The following PDE4D variants were observed in gnomAD, a reference collection of about 807,000 sequenced individuals.
PDE4D encodes phosphodiesterase 4D, also known as 3',5'-cyclic-AMP phosphodiesterase 4D.
PDE4D carries 24 observed loss-of-function variants against 87.4 expected under a neutral mutation model. That is an observed-to-expected ratio of 0.27 (90% CI 0.20 to 0.39). The LOEUF (loss-of-function observed/expected upper bound fraction) is 0.39. Ranked by LOEUF, PDE4D falls within the 10% of genes least tolerant of loss-of-function variation. The pLI, the probability that PDE4D is intolerant of heterozygous loss-of-function variation, is 1.00. For missense variants in PDE4D, 714 were observed against 1,041.0 expected, an observed-to-expected ratio of 0.69 and a Z score of 4.32; for synonymous variants, 384 against 383.2, an observed-to-expected ratio of 1.00 and a Z score of -0.02.
intron 1 of PDE4D, among the ~76,000 whole-genome samples, chr5:60,227,968 C>G (rs970333310): frequency 6.6e-6 from 1 of 151,954 alleles, no homozygotes; most frequent in East Asian, 1.9e-4. Flanking sequence ...TTCATTTCCT[C>G]AAACACCCTT....
chr5:59,657,665 C>G (rs1398185177), intron 1 of PDE4D, among the ~76,000 whole-genome samples: 1 of 152,086 alleles, frequency 6.6e-6, no homozygotes, highest in African/African-American at 2.4e-5. Flanking sequence ...ATATTGCTAA[C>G]CTATTGATAT....
intron 5 of PDE4D, among the ~76,000 whole-genome samples, chr5:59,044,810 T>G (rs1760341133): frequency 6.6e-6 from 1 of 152,248 alleles, no homozygotes; most frequent in Non-Finnish European, 1.5e-5. Flanking sequence ...AGGAAAGATG[T>G]GTGCAATTTT....
chr5:59,254,058 A>G (rs2153531155), intron 1 of PDE4D, among the ~76,000 whole-genome samples: 1 of 152,240 alleles, frequency 6.6e-6, no homozygotes, highest in Non-Finnish European at 1.5e-5. Context: ...AAAGCCCAAA[A>G]TAAGACAGCT....
intron 1 of PDE4D, among the ~76,000 whole-genome samples, chr5:59,463,091 T>C (rs915785654): frequency 2.0e-5 from 3 of 152,192 alleles, no homozygotes; most frequent in Non-Finnish European, 4.4e-5. Context: ...GTGTAAATCA[T>C]AGTTCAAGGT....
chr5:60,341,447 A>G (rs996764261), intron 1 of PDE4D, among the ~76,000 whole-genome samples: 16 of 152,014 alleles, frequency 1.1e-4, no homozygotes, highest in African/African-American at 3.9e-4. Flanking sequence ...AGCAGGTTAC[A>G]GTGGTCAGTT....
Position 59,574,084 on chromosome 5 carries a change from TTATATATATAAATATATATTTA to T in PDE4D, c.455+319062_455+319083del, listed in dbSNP as rs1561240767. Among the ~76,000 whole-genome samples, 1,019 of 109,668 alleles carry T rather than the reference TTATATATATAAATATATATTTA, an allele frequency of 9.3e-3. 27 individuals carry two copies. The highest frequency in any genetic ancestry group is 0.039 in the African/African-American group (939 of 24,288). 71.9% of individuals were successfully genotyped at this position (109,668 alleles called of 152,430 possible). Reference sequence around the variant, plus strand: ...AAAATATATATATTTATATATATATTTATATATATAAATATATATTTATATATATATATAAATATATATTTAT... The same window carrying T: ...AAAATATATATATTTATATATATATTTATATATATATAAATATATATTTAT... On this transcript the variant is annotated intron_variant, in intron 1 of 14. Coordinates refer to ENST00000340635, the MANE Select transcript of PDE4D (RefSeq NM_001104631.2).
At chr5:59,624,673 T>C (rs1446989209) in intron 1 of PDE4D, among the ~76,000 whole-genome samples, 1 of 152,262 alleles carries the variant, frequency 6.6e-6, no homozygotes, top group African/African-American at 2.4e-5. Flanking sequence ...GAATTATTTC[T>C]GGCAGTTTTT....
intron 5 of PDE4D, among the ~76,000 whole-genome samples, chr5:59,123,960 G>A (rs1423087188): frequency 6.6e-6 from 1 of 152,160 alleles, no homozygotes; most frequent in African/African-American, 2.4e-5. Context: ...GCACTGTTTA[G>A]TAAACATGGT....
chr5:60,410,216 G>T (rs1193282055), intron 1 of PDE4D, among the ~76,000 whole-genome samples: 1 of 152,144 alleles, frequency 6.6e-6, no homozygotes, highest in Admixed American at 6.5e-5. Context: ...CCCTAGCAAA[G>T]GCTGGGTGTG....
chr5:60,239,303 T>G (rs916592232), intron 1 of PDE4D, among the ~76,000 whole-genome samples: 2 of 152,148 alleles, frequency 1.3e-5, no homozygotes, highest in African/African-American at 4.8e-5. Context: ...TATTTATTGC[T>G]GCTCCAATAT....
chr5:59,864,300 A>C (rs1358064338), intron 1 of PDE4D, among the ~76,000 whole-genome samples: 2 of 152,206 alleles, frequency 1.3e-5, no homozygotes, highest in Non-Finnish European at 2.9e-5. Context: ...TACCCACACA[A>C]GTTCAAAAAT....
intron 2 of PDE4D, among the ~76,000 whole-genome samples, chr5:60,024,315 T>A (rs1353732712): frequency 2.0e-5 from 3 of 152,192 alleles, no homozygotes; most frequent in Non-Finnish European, 4.4e-5. Context: ...AAACAAAAGT[T>A]CTGTGTACAG....
At chr5:60,223,304 C>T (rs921368999) in intron 1 of PDE4D, among the ~76,000 whole-genome samples, 4 of 152,062 alleles carry the variant, frequency 2.6e-5, no homozygotes, top group Non-Finnish European at 4.4e-5. Flanking sequence ...ACATACCTAT[C>T]GATTAAGTTT....
chr5:59,536,536 ATT>A (rs1815304201), intron 1 of PDE4D, among the ~76,000 whole-genome samples: 1 of 139,678 alleles, frequency 7.2e-6, no homozygotes, highest in African/African-American at 2.6e-5. Context: ...AAAAAAAAAA[ATT>A]ACCTTTTGGC....
At chr5:60,359,627 T>C (rs1759889916) in intron 1 of PDE4D, among the ~76,000 whole-genome samples, 1 of 152,230 alleles carries the variant, frequency 6.6e-6, no homozygotes, top group African/African-American at 2.4e-5. Flanking sequence ...CCCTAAAGAC[T>C]TCTTAAAATA....
chr5:60,361,358 G>C (rs558676101), intron 1 of PDE4D, among the ~76,000 whole-genome samples: 1 of 152,116 alleles, frequency 6.6e-6, no homozygotes, highest in South Asian at 2.1e-4. Context: ...TGATGTAGCT[G>C]TGAAAATTAA....
At chr5:59,334,385 A>G (rs979624834) in intron 1 of PDE4D, among the ~76,000 whole-genome samples, 2 of 149,990 alleles carry the variant, frequency 1.3e-5, no homozygotes, top group African/African-American at 4.9e-5. Flanking sequence ...CAGCCTCCCT[A>G]GTAGCTGGGA....
chr5:60,464,871 G>T (rs116714465), intron 1 of PDE4D, among the ~76,000 whole-genome samples: 1 of 152,164 alleles, frequency 6.6e-6, no homozygotes, highest in South Asian at 2.1e-4. Context: ...GGAGGTCAAG[G>T]TGGGAGGATG....
intron 1 of PDE4D, among the ~76,000 whole-genome samples, chr5:60,426,656 T>C (rs1292882003): frequency 6.6e-6 from 1 of 152,154 alleles, no homozygotes. Context: ...GCTGTGCGCA[T>C]GTACCCTAGA....
Sources: gnomAD v4.1 joint callset for allele counts (sites outside exome capture counted in the v4.1 genomes callset) on GRCh38, gnomAD v4.1.1 for gene constraint, MANE v1.5 for transcripts, NCBI Gene and HGNC (gene_info 2026-07-23, HGNC 2026-07-21) for gene names.